The following ZNG1E variants were observed in gnomAD, a reference collection of about 807,000 sequenced individuals.
The protein encoded by ZNG1E is Zn regulated GTPase metalloprotein activator 1E.
chr9:65,656,651 G>T, the ZNG1E span, among the ~76,000 whole-genome samples: 1 of 152,294 alleles, frequency 6.6e-6, no homozygotes, highest in Non-Finnish European at 1.5e-5. Flanking sequence ...AAGGTAAATA[G>T]AGAAACTTAC....
At chr9:65,687,568 G>A in the ZNG1E span, among the ~76,000 whole-genome samples, 4 of 152,150 alleles carry the variant, frequency 2.6e-5, no homozygotes, top group East Asian at 1.9e-4. Flanking sequence ...TTTGTCCAAT[G>A]TTTTCTCCTT....
chr9:65,703,561 G>T, the ZNG1E span: 1 of 949,308 alleles, frequency 1.1e-6, no homozygotes, highest in African/African-American at 2.3e-5. Context: ...GAAAATTTCT[G>T]TGCAGGGATA....
chr9:65,711,931 A>G, the ZNG1E span, among the ~76,000 whole-genome samples: 1 of 130,186 alleles, frequency 7.7e-6, no homozygotes. Context: ...AAGGAATGGT[A>G]CCAGTTCCTC....
chr9:65,659,217 G>T, the ZNG1E span, among the ~76,000 whole-genome samples: 8 of 152,084 alleles, frequency 5.3e-5, no homozygotes, highest in Non-Finnish European at 1.0e-4. Flanking sequence ...GAGAAAAGAG[G>T]CCAGGCATGG....
chr9:65,667,454 C>G, the ZNG1E span, among the ~76,000 whole-genome samples: 1 of 152,394 alleles, frequency 6.6e-6, no homozygotes, highest in Admixed American at 6.5e-5. Flanking sequence ...ATTTCCATAA[C>G]TGAAGTAAAC....
At chr9:65,685,441 A>G in the ZNG1E span, among the ~76,000 whole-genome samples, 2 of 152,088 alleles carry the variant, frequency 1.3e-5, no homozygotes, top group Admixed American at 6.6e-5. Flanking sequence ...TGCTTTATCA[A>G]TTAAGCTTCT....
the ZNG1E span, among the ~76,000 whole-genome samples, chr9:65,722,915 A>G: frequency 6.4e-5 from 3 of 46,840 alleles, no homozygotes; most frequent in East Asian, 1.4e-3. Flanking sequence ...TCAAACACAT[A>G]TCCTTCTAAC....
chr9:65,661,733 C>A, the ZNG1E span, among the ~76,000 whole-genome samples: 1 of 152,198 alleles, frequency 6.6e-6, no homozygotes, highest in Non-Finnish European at 1.5e-5. Flanking sequence ...AGAAGGCAGA[C>A]CAATGGTTAC....
chr9:65,660,407 GA>G, the ZNG1E span, among the ~76,000 whole-genome samples: 1 of 140,918 alleles, frequency 7.1e-6, no homozygotes, highest in Admixed American at 7.1e-5. Context: ...GAGTAGGAAT[GA>G]AAAAAGAATC....
chr9:65,682,145 A>G, the ZNG1E span: 1 of 180,962 alleles, frequency 5.5e-6, no homozygotes, highest in African/African-American at 2.4e-5. Flanking sequence ...TGTTGAATGA[A>G]TTATAAAAAT....
the ZNG1E span, among the ~76,000 whole-genome samples, chr9:65,691,704 T>C: frequency 1.3e-5 from 2 of 152,210 alleles, no homozygotes; most frequent in Non-Finnish European, 2.9e-5. Flanking sequence ...TTTTTGCTTT[T>C]ATTTTCTCTT....
chr9:65,657,505 G>C, the ZNG1E span, among the ~76,000 whole-genome samples: 2 of 152,280 alleles, frequency 1.3e-5, no homozygotes, highest in African/African-American at 4.8e-5. Flanking sequence ...ACTCATTTGT[G>C]GGACCTAAAA....
the ZNG1E span, chr9:65,700,775 C>T: frequency 1.5e-5 from 2 of 130,204 alleles, no homozygotes; most frequent in East Asian, 1.9e-4. Flanking sequence ...TTCTATAGAG[C>T]CTATTCTGTC....
chr9:65,701,223 CA>C, the ZNG1E span: 59 of 147,114 alleles, frequency 4.0e-4, no homozygotes, highest in African/African-American at 1.2e-3. Flanking sequence ...GTTCTACTGA[CA>C]TTAGATTTTG....
At chr9:65,665,000 G>T in the ZNG1E span, among the ~76,000 whole-genome samples, 175 of 152,238 alleles carry the variant, frequency 1.1e-3, no homozygotes, top group African/African-American at 3.8e-3. Flanking sequence ...GCATTCAAGA[G>T]GTGACTTGGG....
the ZNG1E span, among the ~76,000 whole-genome samples, chr9:65,684,538 A>ACACACACGCACG: frequency 3.3e-5 from 3 of 91,842 alleles, no homozygotes; most frequent in African/African-American, 1.3e-4. Flanking sequence ...CTGTATACAC[A>ACACACACGCACG]CACACACGCA....
At chr9:65,684,544 ACGCACG>A in the ZNG1E span, among the ~76,000 whole-genome samples, 2 of 133,230 alleles carry the variant, frequency 1.5e-5, no homozygotes, top group African/African-American at 6.1e-5. Flanking sequence ...ACACACACAC[ACGCACG>A]CACACACACA....
chr9:65,678,094 T>TG, the ZNG1E span, among the ~76,000 whole-genome samples: 1 of 139,662 alleles, frequency 7.2e-6, no homozygotes, highest in South Asian at 2.3e-4. Flanking sequence ...TGTCTTAAAG[T>TG]GTTTTTTTTT....
At chr9:65,705,140 CTT>C in the ZNG1E span, among the ~76,000 whole-genome samples, 1 of 150,074 alleles carries the variant, frequency 6.7e-6, no homozygotes, top group African/African-American at 2.5e-5. Context: ...AGTGGTAAGA[CTT>C]AAGTTGATTT....
Sources: gnomAD v4.1 joint callset for allele counts (sites outside exome capture counted in the v4.1 genomes callset) on GRCh38, gnomAD v4.1.1 for gene constraint, MANE v1.5 for transcripts, NCBI Gene and HGNC (gene_info 2026-07-23, HGNC 2026-07-21) for gene names.